MSANTD7: variants seen among roughly 807,000 people sequenced by gnomAD.
The protein encoded by MSANTD7 is zinc finger and SCAN domain containing 29.
the MSANTD7 span, chr10:14,846,790 C>T: frequency 1.0e-6 from 1 of 985,384 alleles, no homozygotes; most frequent in Non-Finnish European, 1.2e-6. Context: ...GTGTGCCAAG[C>T]CCGTGGGCTG....
At chr10:14,843,968 G>A in the MSANTD7 span, 2 of 1,504,726 alleles carry the variant, frequency 1.3e-6, no homozygotes, top group African/African-American at 2.8e-5. Context: ...TGAATCCCTG[G>A]CTCCTTTTCT....
At chr10:14,844,939 T>C in the MSANTD7 span, 1 of 985,358 alleles carries the variant, frequency 1.0e-6, no homozygotes, top group African/African-American at 1.7e-5. Context: ...TGAGGAGCTT[T>C]CCAAGATTCC....
At chr10:14,842,715 C>T in the MSANTD7 span, 1 of 1,536,476 alleles carries the variant, frequency 6.5e-7, no homozygotes, top group African/African-American at 1.4e-5. The surrounding 1 kb of genome is among the most constrained non-coding windows in gnomAD (Gnocchi z 5.2). Context: ...TCAAAAAGGA[C>T]TCAGGCAGCT....
the MSANTD7 span, chr10:14,840,291 G>GT: frequency 2.9e-6 from 1 of 342,576 alleles, no homozygotes; most frequent in African/African-American, 2.2e-5. Context: ...ATTACAGAGA[G>GT]TACCCCCAGT....
the MSANTD7 span, chr10:14,845,458 G>A: frequency 1.0e-6 from 1 of 985,280 alleles, no homozygotes; most frequent in Non-Finnish European, 1.2e-6. Context: ...CGGCAAGCGA[G>A]CTGCTCTGCC....
the MSANTD7 span, chr10:14,843,506 G>A: frequency 1.9e-6 from 3 of 1,550,672 alleles, no homozygotes; most frequent in East Asian, 2.4e-5. Flanking sequence ...ACCAACCGCA[G>A]CACTCCTGGG....
At chr10:14,840,281 AT>A in the MSANTD7 span, 1 of 386,010 alleles carries the variant, frequency 2.6e-6, no homozygotes, top group Non-Finnish European at 4.6e-6. Context: ...TGACTGAGTC[AT>A]TACAGAGAGT....
At chr10:14,841,154 CT>C in the MSANTD7 span, 2 of 152,092 alleles carry the variant, frequency 1.3e-5, no homozygotes, top group Non-Finnish European at 2.9e-5. Context: ...TGATATTAAT[CT>C]TTTTCCTCAG....
the MSANTD7 span, chr10:14,840,120 A>G: frequency 6.8e-7 from 1 of 1,478,088 alleles, no homozygotes; most frequent in South Asian, 1.5e-5. Context: ...AAATATTTCA[A>G]ATACAGTAAT....
the MSANTD7 span, chr10:14,840,061 ATTTTTT>A: frequency 1.4e-5 from 16 of 1,160,276 alleles, no homozygotes; most frequent in Non-Finnish European, 1.7e-5. Flanking sequence ...TATATATATT[ATTTTTT>A]TTTTCAGATT....
chr10:14,843,252 T>G, the MSANTD7 span: 1 of 1,268,270 alleles, frequency 7.9e-7, no homozygotes, highest in Non-Finnish European at 1.1e-6. Flanking sequence ...CAGTCCCTGG[T>G]GGAAAGAGGC....
the MSANTD7 span, chr10:14,846,365 G>T: frequency 1.0e-6 from 1 of 985,340 alleles, no homozygotes; most frequent in Non-Finnish European, 1.2e-6. Flanking sequence ...TGCTGAAGAA[G>T]AGCATTGGAA....
At chr10:14,845,955 A>G in the MSANTD7 span, 3 of 875,104 alleles carry the variant, frequency 3.4e-6, no homozygotes, top group African/African-American at 3.6e-5. Flanking sequence ...AATTTGAAAT[A>G]GCATAATAAA....
chr10:14,840,974 C>G, the MSANTD7 span, among the ~76,000 whole-genome samples: 5 of 152,148 alleles, frequency 3.3e-5, no homozygotes, highest in African/African-American at 1.2e-4. Context: ...GATCAGGTCT[C>G]CTCACCCTCG....
the MSANTD7 span, chr10:14,842,980 A>G: frequency 4.1e-6 from 3 of 734,524 alleles, no homozygotes; most frequent in Non-Finnish European, 6.5e-6. The surrounding 1 kb of genome is among the most constrained non-coding windows in gnomAD (Gnocchi z 5.2). Flanking sequence ...CACCTTTTCA[A>G]AAACCTAATA....
At chr10:14,838,641 C>T in the MSANTD7 span, 207 of 581,384 alleles carry the variant, frequency 3.6e-4, 3 homozygotes, top group East Asian at 4.8e-3. Context: ...GCGATTCCTC[C>T]GGAAAGTCGT....
At chr10:14,846,061 G>A in the MSANTD7 span, 1 of 975,136 alleles carries the variant, frequency 1.0e-6, no homozygotes, top group African/African-American at 1.8e-5. Context: ...GTAGCATTCT[G>A]TGGTATTAAT....
At chr10:14,839,882 G>A in the MSANTD7 span, 3 of 1,584,940 alleles carry the variant, frequency 1.9e-6, no homozygotes, top group Non-Finnish European at 2.6e-6. Flanking sequence ...ATGAGACTAT[G>A]TATTTCGTGT....
the MSANTD7 span, chr10:14,840,308 TGTC>T: frequency 6.2e-6 from 2 of 323,554 alleles, no homozygotes; most frequent in South Asian, 2.5e-4. Flanking sequence ...CAGTAGGCAG[TGTC>T]TTTTGATTCT....
Sources: gnomAD v4.1 joint callset for allele counts (sites outside exome capture counted in the v4.1 genomes callset) on GRCh38, gnomAD v4.1.1 for gene constraint, Gnocchi (gnomAD v3.1) non-coding constraint, MANE v1.5 for transcripts, NCBI Gene and HGNC (gene_info 2026-07-23, HGNC 2026-07-21) for gene names.